MVD: variants seen among roughly 807,000 people sequenced by gnomAD.
MVD encodes the protein mevalonate diphosphate decarboxylase.
In MVD, 52 loss-of-function variants were observed where a neutral mutation model predicts 42.4. The ratio of observed to expected loss-of-function variants is 1.23; its 90% confidence interval spans 0.98 to 1.55. The LOEUF (loss-of-function observed/expected upper bound fraction) is 1.55. MVD is among the 40% of genes most tolerant of loss of function. The probability of loss-of-function intolerance (pLI) is 0.00; values close to 1 mark genes in which losing one functional copy is unlikely to be tolerated. For missense variants in MVD, 663 were observed against 572.1 expected (o/e 1.16, Z -1.62); for synonymous variants, 287 against 243.2 (o/e 1.18, Z -1.68).
In MVD at chr16:88,652,464, G is replaced by T. The variant is rs375724678; in HGVS notation, c.*61C>A. ...GGAGTCCGGCCAGCCCACCACATCC[G>T]CTCCCTAGCTCCGGCGAGGCCACCC... On this transcript the variant is annotated 3_prime_UTR_variant, in exon 10 of 10. Coordinates refer to ENST00000301012, the MANE Select transcript of MVD (RefSeq NM_002461.3). 2.0e-6 allele frequency: 3 copies of T among 1,523,818 alleles called. No homozygotes were observed. Among genetic ancestry groups the T allele is most frequent in the Non-Finnish European group, 2.7e-6 (3 of 1,123,760 alleles). 94.4% of individuals were successfully genotyped at this position (1,523,818 alleles called of 1,614,324 possible). A position where few individuals can be genotyped will look rare whatever the true frequency, so the allele number is the denominator to read the frequency against.
chr16:88,657,817 C>A, intron 3 of MVD, 98 bp downstream of exon 3: 1 of 1,376,426 alleles, frequency 7.3e-7, no homozygotes. Flanking sequence ...GCCACCCCGC[C>A]TGCTGCCTCA....
chr16:88,658,820 G>T, intron 1 of MVD, 100 bp from the exon 2 acceptor site: 1 of 915,172 alleles, frequency 1.1e-6, no homozygotes, highest in Non-Finnish European at 1.6e-6. Context: ...GCCCCCATCC[G>T]CCTCAGTCCC....
Position 88,655,250 on chromosome 16 carries a change from C to G in MVD, c.846G>C (p.Trp282Cys). Residue 282 changes from tryptophan (W) to cysteine (C), a missense_variant, in exon 7 of 10, where the codon TGG becomes TGC. Physicochemically the swap from Trp to Cys is radical, Grantham distance 215. Coordinates refer to ENST00000301012, the MANE Select transcript of MVD (RefSeq NM_002461.3). ...AGCGGTGCACCAGGTGGATGATGCG[C>G]CAGGAGATGGCATTGAGGTAAGAGA... ...PPISYLNAISWRIIHLVHRFN... is the reference protein window; with the variant it reads ...PPISYLNAISCRIIHLVHRFN... 6.3e-7 allele frequency: 1 copy of G among 1,586,444 alleles called. No individual in the cohort carries two copies. Among genetic ancestry groups the G allele is most frequent in the Non-Finnish European group, 8.6e-7 (1 of 1,166,520 alleles).
At chr16:88,655,760 ACC>A (rs1907880193) in intron 5 of MVD, 30 bp from the exon 6 acceptor site, 3 of 1,548,002 alleles carry the variant, frequency 1.9e-6, no homozygotes, top group Non-Finnish European at 2.6e-6. Context: ...CCTGGGCCAC[ACC>A]CTGCAGGGGG....
At chr16:88,662,723 A>C (rs1180454369) in intron 1 of MVD, 3 of 1,436,414 alleles carry the variant, frequency 2.1e-6, no homozygotes, top group Non-Finnish European at 2.7e-6. Flanking sequence ...ATTCATGGGA[A>C]TCGATGATTG....
At chr16:88,654,572 C>A (rs1907784675) in intron 8 of MVD, 120 bp downstream of exon 8, 3 of 985,454 alleles carry the variant, frequency 3.0e-6, no homozygotes, top group Admixed American at 3.4e-5. Context: ...ACTCGGGGGA[C>A]TGCTGCCTGC....
Position 88,657,473 on chromosome 16 carries a change from C to G in MVD, c.366G>C (p.Ala122=). The G allele has an allele frequency of 6.2e-7, 1 of 1,612,140 alleles. No individual in the cohort carries two copies. Among genetic ancestry groups the G allele is most frequent in the Non-Finnish European group, 8.5e-7 (1 of 1,179,684 alleles). ...AGCCCGCCGCTGAGGAGGCCAGGCC[C>G]GCAGCCGTGGGGAAGTTGTTCACCG... is the stretch of plus-strand genomic sequence containing the variant. ...VASVNNFPTA[A]GLASSAAGYA... The change falls in exon 4 of 10, where the codon GCG becomes GCC. Residue 122 remains alanine, a synonymous_variant. Coordinates refer to ENST00000301012, the MANE Select transcript of MVD (RefSeq NM_002461.3).
At chr16:88,656,042 C>T in intron 5 of MVD, 63 bp downstream of exon 5, 1 of 1,527,268 alleles carries the variant, frequency 6.5e-7, no homozygotes, top group African/African-American at 1.4e-5. Context: ...CTGCTCCCGG[C>T]AGCAGCCCTG....
intron 8 of MVD, 48 bp from the exon 9 acceptor site, chr16:88,653,456 C>T (rs1567613187): frequency 2.0e-6 from 3 of 1,499,266 alleles, no homozygotes; most frequent in Admixed American, 2.0e-5. Context: ...TTTCTCTAAG[C>T]GTCTACAACA....
At chr16:88,653,430 A>G in intron 8 of MVD, 22 bp from the exon 9 acceptor site, 1 of 1,578,868 alleles carries the variant, frequency 6.3e-7, no homozygotes, top group Non-Finnish European at 8.6e-7. Flanking sequence ...GGGCAGGGGC[A>G]CGGTGAATGC....
At chr16:88,655,830 C>T (rs548109161) in intron 5 of MVD, 100 bp from the exon 6 acceptor site, 32 of 1,397,466 alleles carry the variant, frequency 2.3e-5, no homozygotes, top group African/African-American at 8.5e-5. Flanking sequence ...ATGCAGGCAG[C>T]GGGGGTGGGA....
chr16:88,659,226 C>T (rs1908134505), intron 1 of MVD: 1 of 176,666 alleles, frequency 5.7e-6, no homozygotes, highest in African/African-American at 2.4e-5. Context: ...CAGCTGAAGT[C>T]TTATTCCACG....
chr16:88,659,487 C>G (rs1908154619), intron 1 of MVD, among the ~76,000 whole-genome samples: 1 of 152,218 alleles, frequency 6.6e-6, no homozygotes, highest in African/African-American at 2.4e-5. Flanking sequence ...CCACTGGGGA[C>G]AACTGAGACC....
At chr16:88,655,584 A>G (rs1907861641) in intron 6 of MVD, 72 bp downstream of exon 6, 1 of 1,532,810 alleles carries the variant, frequency 6.5e-7, no homozygotes, top group African/African-American at 1.4e-5. Context: ...TCGGGCCCAG[A>G]CAGAGGCTGA....
chr16:88,658,107 G>C (rs1908057983), intron 2 of MVD, 78 bp from the exon 3 acceptor site: 8 of 1,416,898 alleles, frequency 5.6e-6, no homozygotes, highest in Non-Finnish European at 7.9e-6. Flanking sequence ...TCTACTGAGA[G>C]AGCCTCATGG....
chr16:88,654,273 C>T (rs577489825), intron 8 of MVD, among the ~76,000 whole-genome samples: 3 of 152,184 alleles, frequency 2.0e-5, no homozygotes, highest in East Asian at 3.9e-4. Flanking sequence ...AACACCCGGC[C>T]GCCTTGACTG....
intron 1 of MVD, among the ~76,000 whole-genome samples, chr16:88,661,840 C>CT (rs1180584445): frequency 2.5e-4 from 15 of 60,256 alleles, no homozygotes; most frequent in African/African-American, 6.2e-4. Context: ...TAGACAGTTT[C>CT]TTTAAAAAAA....
chr16:88,658,525 G>C, intron 2 of MVD, 125 bp downstream of exon 2: 2 of 914,084 alleles, frequency 2.2e-6, no homozygotes, highest in Non-Finnish European at 3.4e-6. Context: ...CCAATGCCTG[G>C]GCTCAAGAGA....
At chr16:88,654,897 T>C in intron 7 of MVD, 90 bp from the exon 8 acceptor site, 1 of 1,284,256 alleles carries the variant, frequency 7.8e-7, no homozygotes, top group Non-Finnish European at 1.1e-6. Flanking sequence ...CCTTGGGCTC[T>C]CCAAGAGCTC....
Sources: allele counts gnomAD v4.1 joint callset (sites outside exome capture counted in the v4.1 genomes callset), GRCh38; gene constraint gnomAD v4.1.1; transcripts MANE v1.5; gene names NCBI Gene and HGNC (gene_info 2026-07-23, HGNC 2026-07-21).